The following ATXN8OS variants were observed in gnomAD, a reference collection of about 807,000 sequenced individuals.
ATXN8OS encodes ATXN8 opposite strand (non-protein coding).
At chr13:70,159,523 T>C (rs982414163) in intron 4 of ATXN8OS, among the ~76,000 whole-genome samples, 7 of 152,170 alleles carry the variant, frequency 4.6e-5, no homozygotes, top group African/African-American at 1.7e-4. Flanking sequence ...TAGTTTATCA[T>C]GAACTTTATG....
In ATXN8OS at chr13:70,109,385, T is replaced by C. The variant is rs139408450; in HGVS notation, n.240+1366T>C. Among the ~76,000 whole-genome samples, 14 of 152,292 alleles carry C rather than the reference T, an allele frequency of 9.2e-5. 1 individual carries two copies. In the East Asian group the frequency reaches 1.9e-3, roughly 21 times the overall value. ...AACTTAACCAAGAATATGGTTGTTGTCCATTCATGAAATTCACAGTTTCAG... is the reference window on the plus strand; with the variant it reads ...AACTTAACCAAGAATATGGTTGTTGCCCATTCATGAAATTCACAGTTTCAG... On this transcript the variant is annotated intron_variant and non_coding_transcript_variant, in intron 1 of 4. Coordinates refer to ENST00000678624, the Ensembl canonical transcript of ATXN8OS.
chr13:70,146,005 C>A (rs1487320633), intron 3 of ATXN8OS, among the ~76,000 whole-genome samples: 1 of 141,350 alleles, frequency 7.1e-6, no homozygotes, highest in Admixed American at 7.2e-5. Flanking sequence ...ATTTTCACAA[C>A]CTACTCATCT....
At chr13:70,125,561 A>G (rs1249562932) in intron 2 of ATXN8OS, among the ~76,000 whole-genome samples, 1 of 152,082 alleles carries the variant, frequency 6.6e-6, no homozygotes, top group Non-Finnish European at 1.5e-5. Context: ...CTACCTATTG[A>G]GTTTTTGTTG....
chr13:70,140,477 G>A (rs140395979), intron 3 of ATXN8OS, among the ~76,000 whole-genome samples: 1,640 of 147,044 alleles, frequency 0.011, 12 homozygotes, highest in Non-Finnish European at 0.018. Flanking sequence ...TAAACAATGT[G>A]TAGAGTTACT....
At chr13:70,121,027 T>A (rs1468368288) in intron 2 of ATXN8OS, among the ~76,000 whole-genome samples, 1 of 151,706 alleles carries the variant, frequency 6.6e-6, no homozygotes, top group African/African-American at 2.4e-5. Flanking sequence ...CATATGTAAC[T>A]AACCTGCACG....
chr13:70,130,181 T>G (rs9572377), intron 3 of ATXN8OS, among the ~76,000 whole-genome samples: 33,942 of 152,056 alleles, frequency 0.22, 3,982 homozygotes, highest in Admixed American at 0.29. Flanking sequence ...ACACCACATA[T>G]GTTGCGATAC....
intron 1 of ATXN8OS, among the ~76,000 whole-genome samples, chr13:70,109,008 T>C (rs958539981): frequency 3.3e-5 from 5 of 152,170 alleles, no homozygotes; most frequent in Non-Finnish European, 5.9e-5. Context: ...AATCAGTGCA[T>C]TTGGTGTGTA....
chr13:70,156,033 C>T (rs1733964052), intron 4 of ATXN8OS, among the ~76,000 whole-genome samples: 9 of 151,972 alleles, frequency 5.9e-5, no homozygotes, highest in Admixed American at 5.9e-4. Context: ...AATGAGACTG[C>T]CATATTTTAA....
intron 4 of ATXN8OS, among the ~76,000 whole-genome samples, chr13:70,164,073 A>C (rs1889045350): frequency 6.8e-6 from 1 of 146,476 alleles, no homozygotes; most frequent in African/African-American, 2.5e-5. Flanking sequence ...TATTATTATT[A>C]TTATTATTAT....
At chr13:70,136,341 C>T (rs1275058362) in intron 3 of ATXN8OS, among the ~76,000 whole-genome samples, 1 of 152,050 alleles carries the variant, frequency 6.6e-6, no homozygotes, top group East Asian at 1.9e-4. Context: ...TTTAATAATA[C>T]AAGAACAGTC....
intron 4 of ATXN8OS, among the ~76,000 whole-genome samples, chr13:70,159,730 T>C (rs955805765): frequency 6.6e-6 from 1 of 152,200 alleles, no homozygotes; most frequent in Non-Finnish European, 1.5e-5. Context: ...TGGCAACAAC[T>C]AACCTGTTCT....
intron 3 of ATXN8OS, among the ~76,000 whole-genome samples, chr13:70,133,701 T>C (rs771172436): frequency 2.0e-5 from 3 of 151,756 alleles, no homozygotes; most frequent in Non-Finnish European, 4.4e-5. Flanking sequence ...GAGACTGGAG[T>C]TGGGCTGCTA....
chr13:70,133,378 C>A (rs751218880), intron 3 of ATXN8OS, among the ~76,000 whole-genome samples: 23 of 152,060 alleles, frequency 1.5e-4, no homozygotes, highest in Non-Finnish European at 3.2e-4. Context: ...TATGACCATG[C>A]CCCTTAAACA....
chr13:70,119,926 G>A (rs890898162), intron 2 of ATXN8OS, among the ~76,000 whole-genome samples: 3 of 147,000 alleles, frequency 2.0e-5, no homozygotes, highest in Non-Finnish European at 4.5e-5. Context: ...AAAAAAAAAT[G>A]CAAAATCTGA....
intron 3 of ATXN8OS, among the ~76,000 whole-genome samples, chr13:70,137,032 A>G (rs192896888): frequency 2.6e-5 from 4 of 152,308 alleles, no homozygotes; most frequent in East Asian, 3.9e-4. Context: ...GAGATCTGCA[A>G]TTCCATTGCC....
At chr13:70,128,892 C>T (rs1004667425) in intron 2 of ATXN8OS, among the ~76,000 whole-genome samples, 2 of 150,728 alleles carry the variant, frequency 1.3e-5, no homozygotes, top group South Asian at 2.1e-4. Context: ...TTTTCTTTTG[C>T]TCTTGTTGCC....
chr13:70,147,332 T>C (rs1033750293), intron 3 of ATXN8OS, among the ~76,000 whole-genome samples: 10 of 152,162 alleles, frequency 6.6e-5, no homozygotes, highest in Non-Finnish European at 1.5e-4. Context: ...TTTGACTAAT[T>C]GGAATTTTCT....
intron 3 of ATXN8OS, among the ~76,000 whole-genome samples, chr13:70,136,586 T>C (rs1888618570): frequency 1.3e-5 from 2 of 152,036 alleles, no homozygotes; most frequent in Admixed American, 1.3e-4. Context: ...AATCTCCTCG[T>C]ATTCAGGAAA....
chr13:70,107,873 G>T (rs188602966), exon 1 of ATXN8OS: 4 of 561,130 alleles, frequency 7.1e-6, no homozygotes, highest in African/African-American at 3.8e-5. Flanking sequence ...AGGCTGGAGC[G>T]CAGACGGCAA....
Sources: allele counts gnomAD v4.1 joint callset (sites outside exome capture counted in the v4.1 genomes callset), GRCh38; gene constraint gnomAD v4.1.1; transcripts MANE v1.5; gene names NCBI Gene and HGNC (gene_info 2026-07-23, HGNC 2026-07-21).